ITCH: variants seen among roughly 807,000 people sequenced by gnomAD.
ITCH encodes E3 ubiquitin-protein ligase Itchy homolog.
In ITCH, 28 loss-of-function variants were observed where a neutral mutation model predicts 126.8. The ratio of observed to expected loss-of-function variants is 0.22; its 90% CI spans 0.16 to 0.30. The LOEUF (loss-of-function observed/expected upper bound fraction) is 0.30, where lower values mean the gene tolerates loss of function less well. Ranked by LOEUF, ITCH falls within the 10% of genes least tolerant of loss-of-function variation. ITCH has a pLI of 1.00. For synonymous variants in ITCH, 342 were observed against 340.0 expected (o/e 1.01, Z -0.06); for missense variants, 631 against 1,032.4 (o/e 0.61, Z 5.33).
At chr20:34,409,002 C>T (rs1477166481) in intron 4 of ITCH, among the ~76,000 whole-genome samples, 1 of 149,960 alleles carries the variant, frequency 6.7e-6, no homozygotes, top group Non-Finnish European at 1.5e-5. Flanking sequence ...CCTTTCTTTA[C>T]CTTCTCTAGT....
At chr20:34,480,987 C>A in intron 19 of ITCH, 79 bp from the exon 20 acceptor site, 1 of 1,373,982 alleles carries the variant, frequency 7.3e-7, no homozygotes. Context: ...TATTTAAGAA[C>A]ATGGGCCTTT....
intron 3 of ITCH, among the ~76,000 whole-genome samples, chr20:34,406,907 T>C (rs904156256): frequency 2.6e-5 from 4 of 152,170 alleles, no homozygotes; most frequent in African/African-American, 9.7e-5. Flanking sequence ...TTGATGAGCA[T>C]TAGCATTCTC....
chr20:34,422,667 C>T (rs1169885218), intron 6 of ITCH, among the ~76,000 whole-genome samples: 3 of 151,954 alleles, frequency 2.0e-5, no homozygotes, highest in African/African-American at 7.3e-5. Flanking sequence ...ATTTTAGTAA[C>T]TTAAGTGAGG....
chr20:34,478,700 C>A (rs1988454061), intron 17 of ITCH, among the ~76,000 whole-genome samples: 1 of 151,970 alleles, frequency 6.6e-6, no homozygotes, highest in African/African-American at 2.4e-5. Context: ...TGTGTGCACG[C>A]TAATTGGTGG....
At chr20:34,386,431 G>A (rs950560834) in intron 2 of ITCH, among the ~76,000 whole-genome samples, 11 of 152,038 alleles carry the variant, frequency 7.2e-5, no homozygotes, top group African/African-American at 2.2e-4. Flanking sequence ...CATACTACTC[G>A]GTATGTATTT....
At chr20:34,463,973 T>G (rs1986782446) in intron 14 of ITCH, among the ~76,000 whole-genome samples, 1 of 151,972 alleles carries the variant, frequency 6.6e-6, no homozygotes, top group African/African-American at 2.4e-5. Context: ...TTGTCAATTT[T>G]TTCTTTTCTT....
At chr20:34,482,643 G>T (rs1988834959) in intron 20 of ITCH, among the ~76,000 whole-genome samples, 1 of 152,248 alleles carries the variant, frequency 6.6e-6, no homozygotes, top group Admixed American at 6.5e-5. Context: ...CCCCCCACCG[G>T]CTGCTTTCAT....
intron 6 of ITCH, 136 bp downstream of exon 6, chr20:34,414,015 C>T (rs1467506711): frequency 8.5e-6 from 6 of 708,008 alleles, no homozygotes; most frequent in East Asian, 5.6e-5. Flanking sequence ...TGGTGGCTCA[C>T]GCCTCTAATC....
chr20:34,482,940 G>A (rs1988861401), intron 20 of ITCH, among the ~76,000 whole-genome samples: 1 of 152,066 alleles, frequency 6.6e-6, no homozygotes, highest in Non-Finnish European at 1.5e-5. Context: ...CTCAATTTTT[G>A]CCTTCTGTGC....
chr20:34,413,876 G>C lies in ITCH; in HGVS notation c.472G>C (p.Glu158Gln). The C allele has an allele frequency of 2.5e-6, 4 of 1,611,944 alleles. No homozygotes were observed. The highest frequency in any genetic ancestry group is 3.4e-6 in the Non-Finnish European group (4 of 1,178,068). Residue 158 changes from glutamate (E) to glutamine (Q), a missense_variant, in exon 6 of 25, where the codon GAA becomes CAA. By Grantham distance (29) the Glu-to-Gln change is conservative. Coordinates refer to ENST00000374864, the MANE Select transcript of ITCH (RefSeq NM_031483.7). ...TACCAATGGTGAAACTACATGTTCA[G>C]AAAGTAAGTGACTACCTTTTTAAGG... ...VVTNGETTCS[E>Q]SASQNDDGSR...
At chr20:34,390,762 T>A (rs1265748808) in intron 2 of ITCH, among the ~76,000 whole-genome samples, 1 of 149,232 alleles carries the variant, frequency 6.7e-6, no homozygotes, top group African/African-American at 2.5e-5. Context: ...GATTTAATCT[T>A]TTTTTTTTCT....
rs1193735208 is a variant in ITCH, at chr20:34,510,721, C to T, written c.*2927C>T. The T allele has an allele frequency of 6.6e-6, 1 of 152,054 alleles. No individual in the cohort carries two copies. Among genetic ancestry groups the T allele is most frequent in the African/African-American group, 2.4e-5 (1 of 41,404 alleles). The allele number at this position is 152,054 out of a possible 1,614,324, so 9.4% of individuals were successfully genotyped here. On this transcript the variant is annotated 3_prime_UTR_variant, in exon 25 of 25. Transcript: ENST00000374864. Reference sequence around the variant, plus strand: ...TCTCATTTCATAAGACTTACAATAACTCTATTTAAAATTCAGGTATTGTAC... The same window carrying T: ...TCTCATTTCATAAGACTTACAATAATTCTATTTAAAATTCAGGTATTGTAC...
At chr20:34,477,704 A>T in intron 16 of ITCH, 68 bp from the exon 17 acceptor site, 1 of 1,455,464 alleles carries the variant, frequency 6.9e-7, no homozygotes, top group South Asian at 1.1e-5. Flanking sequence ...GGAGATGTCA[A>T]ACCTAGAAGT....
At chr20:34,447,119 C>T (rs761940217) in intron 11 of ITCH, among the ~76,000 whole-genome samples, 18 of 151,520 alleles carry the variant, frequency 1.2e-4, no homozygotes, top group Non-Finnish European at 2.2e-4. Context: ...GGAGCACCAA[C>T]GGTGTGTTTT....
chr20:34,473,909 A>G (rs985428312), intron 16 of ITCH, among the ~76,000 whole-genome samples: 1 of 152,246 alleles, frequency 6.6e-6, no homozygotes, highest in Non-Finnish European at 1.5e-5. Context: ...CACAGGTTCT[A>G]GTACAGATTT....
intron 14 of ITCH, among the ~76,000 whole-genome samples, chr20:34,464,813 C>T (rs1180467551): frequency 1.3e-5 from 2 of 151,752 alleles, no homozygotes; most frequent in African/African-American, 2.4e-5. Context: ...TGGGTTGAAG[C>T]GATTCTTTTG....
At chr20:34,477,298 A>G (rs1988320523) in intron 16 of ITCH, among the ~76,000 whole-genome samples, 1 of 152,236 alleles carries the variant, frequency 6.6e-6, no homozygotes, top group Admixed American at 6.5e-5. Context: ...TGGGAGGCCA[A>G]GGCCGGTGGA....
Position 34,384,427 on chromosome 20 carries a change from T to C in ITCH, c.-21-9364T>C, listed in dbSNP as rs140154487. Among the ~76,000 whole-genome samples, 279 of 151,582 alleles carry C rather than the reference T, an allele frequency of 1.8e-3. 5 individuals are homozygous for C. The East Asian group carries it at 0.048, about 26-fold the overall frequency. ...TCCTGAGTAACTGGGATTACAGGCATGCGCCACCATGTCCAGCTCATTTTT... is the reference window on the plus strand; with the variant it reads ...TCCTGAGTAACTGGGATTACAGGCACGCGCCACCATGTCCAGCTCATTTTT... On this transcript the variant is annotated intron_variant, in intron 2 of 24. Transcript: ENST00000374864.
At chr20:34,461,298 GA>G (rs1486348921) in intron 13 of ITCH, among the ~76,000 whole-genome samples, 2 of 152,156 alleles carry the variant, frequency 1.3e-5, no homozygotes, top group Non-Finnish European at 2.9e-5. Context: ...GTACTTTACA[GA>G]GATAACTAAT....
Sources: gnomAD v4.1 joint callset for allele counts (sites outside exome capture counted in the v4.1 genomes callset) on GRCh38, gnomAD v4.1.1 for gene constraint, MANE v1.5 for transcripts, NCBI Gene and HGNC (gene_info 2026-07-23, HGNC 2026-07-21) for gene names.